PLEKHA2: variants seen among roughly 807,000 people sequenced by gnomAD.
PLEKHA2 encodes the protein pleckstrin homology domain containing A2, also known as pleckstrin homology domain-containing family A member 2.
A neutral mutation model predicts 53.2 loss-of-function variants in PLEKHA2; 28 were observed. The ratio of observed to expected loss-of-function variants is 0.53; its 90% confidence interval spans 0.39 to 0.72. PLEKHA2 has a LOEUF of 0.72. PLEKHA2 is among the 30% of genes least tolerant of loss of function. The probability of loss-of-function intolerance (pLI) is 0.00; values close to 1 mark genes in which losing one functional copy is unlikely to be tolerated. For synonymous variants in PLEKHA2, 193 were observed against 196.4 expected (o/e 0.98, Z 0.14); for missense variants, 426 against 537.9 (o/e 0.79, Z 2.06).
intron 3 of PLEKHA2, among the ~76,000 whole-genome samples, chr8:38,936,841 G>C (rs1482014642): frequency 6.6e-6 from 1 of 152,254 alleles, no homozygotes; most frequent in African/African-American, 2.4e-5. Context: ...ACAGTGAGGA[G>C]AGCCAGGTGG....
At chr8:38,939,178 A>G (rs1196208521) in intron 3 of PLEKHA2, among the ~76,000 whole-genome samples, 1 of 152,120 alleles carries the variant, frequency 6.6e-6, no homozygotes, top group East Asian at 1.9e-4. Flanking sequence ...TGCTGGGATT[A>G]TAGGTGGGAG....
chr8:38,929,062 C>T (rs1222521390), intron 2 of PLEKHA2, among the ~76,000 whole-genome samples: 1 of 152,188 alleles, frequency 6.6e-6, no homozygotes, highest in African/African-American at 2.4e-5. Flanking sequence ...TGAGCTATAC[C>T]CCCTCTGCAG....
In PLEKHA2 at chr8:38,972,193, T is replaced by A. The variant is rs1197035248; in HGVS notation, c.*2410T>A. The A allele has an allele frequency of 6.6e-6, 1 of 152,098 alleles. No individual in the cohort carries two copies. The highest frequency in any genetic ancestry group is 1.5e-5 in the Non-Finnish European group (1 of 68,034). 9.4% of individuals were successfully genotyped at this position (152,098 alleles called of 1,614,324 possible). A position where few individuals can be genotyped will look rare whatever the true frequency, so the allele number is the denominator to read the frequency against. On this transcript the variant is annotated 3_prime_UTR_variant, in exon 12 of 12. Coordinates refer to ENST00000617275, the MANE Select transcript of PLEKHA2 (RefSeq NM_021623.2). ...CATTGCTTGTTTTTAATTTTTTTTT[T>A]TTAATTTTTAAAAGACAGGGTCTCA...
At chr8:38,910,606 A>G (rs569343137) in intron 1 of PLEKHA2, among the ~76,000 whole-genome samples, 2 of 152,366 alleles carry the variant, frequency 1.3e-5, no homozygotes, top group African/African-American at 4.8e-5. Context: ...AACATAGATA[A>G]CATCTTTTTA....
Position 38,902,227 on chromosome 8 carries a change from G to T in PLEKHA2, c.-24+782G>T, listed in dbSNP as rs1003951855. Among the ~76,000 whole-genome samples, 7 of 135,628 alleles carry T rather than the reference G, an allele frequency of 5.2e-5. 1 individual carries two copies. In the East Asian group the frequency reaches 7.5e-4, roughly 14 times the overall value. 89.0% of individuals were successfully genotyped at this position (135,628 alleles called of 152,430 possible). Reference sequence around the variant, plus strand: ...AAAGAGAAAAGAAGGGTGTGGGGGGGGGTGGTGGGAAGCTAGGCCGTTTAG... The same window carrying T: ...AAAGAGAAAAGAAGGGTGTGGGGGGTGGTGGTGGGAAGCTAGGCCGTTTAG... On this transcript the variant is annotated intron_variant, in intron 1 of 11. Coordinates refer to ENST00000617275, the MANE Select transcript of PLEKHA2 (RefSeq NM_021623.2).
chr8:38,958,363 CAAGT>C lies in PLEKHA2; in HGVS notation c.837+981_837+984del, dbSNP rs1380263016. Among the ~76,000 whole-genome samples, 9 of 152,158 alleles carry C rather than the reference CAAGT, an allele frequency of 5.9e-5. No homozygotes were observed. In the East Asian group the frequency reaches 1.5e-3, roughly 26 times the overall value. On this transcript the variant is annotated intron_variant, in intron 10 of 11. Coordinates refer to ENST00000617275, the MANE Select transcript of PLEKHA2 (RefSeq NM_021623.2). ...AAAAAGAACAGAAATAAAAAACTGACAAGTAAGCAGGTTGGTTTAAAGGTGTGGT... is the reference window on the plus strand; with the variant it reads ...AAAAAGAACAGAAATAAAAAACTGACAAGCAGGTTGGTTTAAAGGTGTGGT...
At chr8:38,915,427 G>A (rs1834042941) in intron 1 of PLEKHA2, among the ~76,000 whole-genome samples, 1 of 152,230 alleles carries the variant, frequency 6.6e-6, no homozygotes, top group Non-Finnish European at 1.5e-5. Context: ...TCTTCTGAGG[G>A]CCGTGAGAGA....
chr8:38,962,640 A>C (rs1835059740), intron 10 of PLEKHA2, among the ~76,000 whole-genome samples: 1 of 152,270 alleles, frequency 6.6e-6, no homozygotes, highest in Admixed American at 6.5e-5. Context: ...AGTAGAGGTC[A>C]CCATTTCCCC....
chr8:38,954,034 G>A (rs1310628614), intron 9 of PLEKHA2, among the ~76,000 whole-genome samples: 1 of 152,190 alleles, frequency 6.6e-6, no homozygotes, highest in African/African-American at 2.4e-5. Flanking sequence ...GAGACCCTAA[G>A]GGTATTGGGG....
At chr8:38,905,679 T>A (rs1833860109) in intron 1 of PLEKHA2, among the ~76,000 whole-genome samples, 1 of 126,062 alleles carries the variant, frequency 7.9e-6, no homozygotes. Flanking sequence ...GTTTTTTGTG[T>A]TTTTGCTTTT....
intron 2 of PLEKHA2, among the ~76,000 whole-genome samples, chr8:38,926,913 C>T (rs1263142266): frequency 1.3e-5 from 2 of 152,064 alleles, no homozygotes; most frequent in Non-Finnish European, 2.9e-5. Context: ...GAGACTCCAT[C>T]TCAAAAAAAA....
chr8:38,969,404 T>C lies in PLEKHA2; in HGVS notation c.916-17T>C, dbSNP rs1835199879. On this transcript the variant is annotated splice_polypyrimidine_tract_variant and intron_variant, in intron 11 of 11. Coordinates refer to ENST00000617275, the MANE Select transcript of PLEKHA2 (RefSeq NM_021623.2). Reference sequence around the variant, plus strand: ...CCCTAACTTTCTTTTGTCTTTTTCTTCCTTTTATTTTTATAGGAAACGTCC... The same window carrying C: ...CCCTAACTTTCTTTTGTCTTTTTCTCCCTTTTATTTTTATAGGAAACGTCC... The C allele has an allele frequency of 1.3e-6, 2 of 1,597,662 alleles. No individual in the cohort carries two copies.
At position 38,950,922 on chromosome 8, in the gene PLEKHA2, A is replaced by G; in HGVS notation, c.418A>G (p.Lys140Glu). Residue 140 changes from lysine (K) to glutamate (E), a missense_variant, in exon 6 of 12, where the codon AAG becomes GAG. Transcript: ENST00000617275. ...CTTAGCAGCTCCTCCAGCCCTGGAG[A>G]AGAAGCCACAGGTGGCCTACAAGAC... ...KSLAAPPALE[K>E]KPQVAYKTEI... The G allele has an allele frequency of 6.2e-7, 1 of 1,614,006 alleles. No individual in the cohort carries two copies. The highest frequency in any genetic ancestry group is 8.5e-7 in the Non-Finnish European group (1 of 1,179,890).
intron 10 of PLEKHA2, among the ~76,000 whole-genome samples, chr8:38,958,668 G>T (rs991692541): frequency 6.6e-6 from 1 of 152,200 alleles, no homozygotes; most frequent in African/African-American, 2.4e-5. Flanking sequence ...GGCTGCCATG[G>T]GCATCGGAGC....
Position 38,969,433 on chromosome 8 carries a change from T to A in PLEKHA2, c.928T>A (p.Ser310Thr), listed in dbSNP as rs768239476. ...TTTATTTTTATAGGAAACGTCCTTT[T>A]CTAGATCCATTTCTTTGACCCGACC... is the stretch of plus-strand genomic sequence containing the variant. ...LKCHPRETSF[S>T]RSISLTRPGS... The change falls in exon 12 of 12, where the codon TCT (serine) becomes ACT (threonine). Residue 310 changes from serine to threonine, a missense_variant. Ser to Thr is a moderately conservative substitution (Grantham distance 58, BLOSUM62 1). Coordinates refer to ENST00000617275, the MANE Select transcript of PLEKHA2 (RefSeq NM_021623.2). 2 of 1,611,688 alleles carry A rather than the reference T, an allele frequency of 1.2e-6. No homozygotes were observed. Among genetic ancestry groups the A allele is most frequent in the Admixed American group, 3.4e-5 (2 of 59,004 alleles).
intron 10 of PLEKHA2, among the ~76,000 whole-genome samples, chr8:38,961,418 T>C (rs559464531): frequency 1.2e-3 from 182 of 152,088 alleles, no homozygotes; most frequent in African/African-American, 4.2e-3. Flanking sequence ...GCACCTGTAA[T>C]CCCAGCTACT....
At chr8:38,935,452 A>G (rs1309967307) in intron 2 of PLEKHA2, among the ~76,000 whole-genome samples, 1 of 147,414 alleles carries the variant, frequency 6.8e-6, no homozygotes, top group East Asian at 2.0e-4. Context: ...TTTTTAAGAG[A>G]TAGGGTCTTG....
At chr8:38,927,677 C>T (rs978889531) in intron 2 of PLEKHA2, among the ~76,000 whole-genome samples, 2 of 152,146 alleles carry the variant, frequency 1.3e-5, no homozygotes, top group African/African-American at 2.4e-5. Flanking sequence ...ATTAAGGAAA[C>T]ATCCATTTTT....
chr8:38,952,151 ACT>A lies in PLEKHA2; in HGVS notation c.487-14_487-13del, dbSNP rs769589530. 1 of 1,610,368 alleles carries A rather than the reference ACT, an allele frequency of 6.2e-7. No homozygotes were observed. Among genetic ancestry groups the A allele is most frequent in the Non-Finnish European group, 8.5e-7 (1 of 1,178,382 alleles). On this transcript the variant is annotated splice_polypyrimidine_tract_variant and intron_variant, in intron 6 of 11. Coordinates refer to ENST00000617275, the MANE Select transcript of PLEKHA2 (RefSeq NM_021623.2). Reference sequence around the variant, plus strand: ...GAGGGAGGGAGGCGCTGATACTGACACTGTTTCCTTGCAGAACGGTGGGGATG... The same window carrying A: ...GAGGGAGGGAGGCGCTGATACTGACAGTTTCCTTGCAGAACGGTGGGGATG...
Sources: gnomAD v4.1 joint callset for allele counts (sites outside exome capture counted in the v4.1 genomes callset) on GRCh38, gnomAD v4.1.1 for gene constraint, MANE v1.5 for transcripts, NCBI Gene and HGNC (gene_info 2026-07-23, HGNC 2026-07-21) for gene names.